The following DDR2 variants were observed in gnomAD, a reference collection of about 807,000 sequenced individuals.
DDR2 encodes discoidin domain receptor tyrosine kinase 2, also known as discoidin domain-containing receptor 2.
DDR2 carries 27 observed loss-of-function variants against 94.9 expected under a neutral mutation model. The ratio of observed to expected loss-of-function variants is 0.28; its 90% confidence interval spans 0.21 to 0.39. The LOEUF is 0.39. Ranked by LOEUF, DDR2 falls within the 10% of genes least tolerant of loss-of-function variation. The pLI is 1.00. For missense variants in DDR2, 783 were observed against 1,076.0 expected, an observed-to-expected ratio of 0.73 and a Z score of 3.81; for synonymous variants, 382 against 377.2, an observed-to-expected ratio of 1.01 and a Z score of -0.15.
At chr1:162,731,071 G>C (rs1440930872) in intron 3 of DDR2, among the ~76,000 whole-genome samples, 3 of 152,126 alleles carry the variant, frequency 2.0e-5, no homozygotes, top group African/African-American at 7.2e-5. Context: ...GAAACAATCA[G>C]ATTCCTTCAA....
intron 2 of DDR2, among the ~76,000 whole-genome samples, chr1:162,678,953 C>A (rs185044684): frequency 1.2e-4 from 18 of 151,938 alleles, no homozygotes; most frequent in Non-Finnish European, 1.3e-4. Flanking sequence ...AGATAAGCAT[C>A]ATATTTTTAA....
intron 1 of DDR2, among the ~76,000 whole-genome samples, chr1:162,652,400 C>T (rs61810413): frequency 0.08 from 12,188 of 152,188 alleles, 502 homozygotes; most frequent in Admixed American, 0.092. Context: ...AAAGCAGACT[C>T]GTGCTTCTCA....
At chr1:162,677,501 G>A (rs1033370371) in intron 2 of DDR2, among the ~76,000 whole-genome samples, 1 of 152,174 alleles carries the variant, frequency 6.6e-6, no homozygotes, top group African/African-American at 2.4e-5. Flanking sequence ...TTTCCCAGTG[G>A]ATTTTTCATT....
intron 3 of DDR2, among the ~76,000 whole-genome samples, chr1:162,724,275 C>T (rs1202003433): frequency 6.6e-6 from 1 of 152,184 alleles, no homozygotes; most frequent in Non-Finnish European, 1.5e-5. Context: ...ATCTAAAAAT[C>T]ACATATATCC....
At position 162,761,441 on chromosome 1, in the gene DDR2, C is replaced by A. The variant is rs2102156260; in HGVS notation, c.1086C>A (p.Ile362=). Residue 362 remains isoleucine (I), a synonymous_variant, in exon 9 of 18, where the codon ATC becomes ATA. Coordinates refer to ENST00000367921, the MANE Select transcript of DDR2 (RefSeq NM_006182.4). ...FADTWMMFSE[I]TFQSDAAMYN... is the part of the protein sequence containing the mutation. ...ATACCTGGATGATGTTCAGTGAGATCACCTTCCAATCAGGTAGGGAGCTCA... is the reference window on the plus strand; with the variant it reads ...ATACCTGGATGATGTTCAGTGAGATAACCTTCCAATCAGGTAGGGAGCTCA... 1 of 1,614,174 alleles carries A rather than the reference C, an allele frequency of 6.2e-7. No individual in the cohort carries two copies. Among genetic ancestry groups the A allele is most frequent in the South Asian group, 1.1e-5 (1 of 91,080 alleles).
rs554710613 is a variant in DDR2, at chr1:162,746,691, C to T, written c.83-6404C>T. Among the ~76,000 whole-genome samples, 13 of 152,344 alleles carry T rather than the reference C, an allele frequency of 8.5e-5. No homozygotes were observed. The East Asian group carries it at 1.2e-3, about 14-fold the overall frequency. ...CCTCATCAAGTGGGTCCCTGACCCC[C>T]GAGTAGCCTAACTGGGAGACACCTC... On this transcript the variant is annotated intron_variant, in intron 3 of 17. Coordinates refer to ENST00000367921, the MANE Select transcript of DDR2 (RefSeq NM_006182.4).
intron 2 of DDR2, among the ~76,000 whole-genome samples, chr1:162,655,848 C>T (rs1447878317): frequency 2.0e-5 from 3 of 152,018 alleles, no homozygotes; most frequent in Non-Finnish European, 4.4e-5. Context: ...TAGAGTAAAA[C>T]AATACTTAAT....
chr1:162,746,349 G>A (rs904344997), intron 3 of DDR2, among the ~76,000 whole-genome samples: 7 of 152,296 alleles, frequency 4.6e-5, no homozygotes, highest in South Asian at 2.1e-4. Context: ...AGGGTCCCAC[G>A]CCCACGGAGC....
At chr1:162,664,798 A>T (rs1003667888) in intron 2 of DDR2, among the ~76,000 whole-genome samples, 1 of 152,208 alleles carries the variant, frequency 6.6e-6, no homozygotes, top group Non-Finnish European at 1.5e-5. Flanking sequence ...TATTTTTTTA[A>T]AGGGAAGATA....
At chr1:162,739,667 A>G (rs188556813) in intron 3 of DDR2, among the ~76,000 whole-genome samples, 241 of 152,296 alleles carry the variant, frequency 1.6e-3, no homozygotes, top group Middle Eastern at 6.8e-3. Context: ...TGTCTTTGCT[A>G]TTGTGAATAG....
At chr1:162,730,280 A>C (rs1661968820) in intron 3 of DDR2, among the ~76,000 whole-genome samples, 1 of 151,992 alleles carries the variant, frequency 6.6e-6, no homozygotes, top group African/African-American at 2.4e-5. Context: ...GAACTGGGAG[A>C]GCCCATCTCC....
chr1:162,782,058 G>GTTGTCC lies in DDR2; in HGVS notation c.*1814_*1819dup, dbSNP rs1413895916. ...TCCTAGCAAATGTCCTTTCCCCATA[G>GTTGTCC]TTGTCCTATGCCTTTGGGCTTTAGT... On this transcript the variant is annotated 3_prime_UTR_variant, in exon 18 of 18. Transcript: ENST00000367921. The GTTGTCC allele has an allele frequency of 6.6e-6, 1 of 152,196 alleles. No homozygotes were observed. Among genetic ancestry groups the GTTGTCC allele is most frequent in the South Asian group, 2.1e-4 (1 of 4,832 alleles). 9.4% of individuals were successfully genotyped at this position (152,196 alleles called of 1,614,324 possible). A position where few individuals can be genotyped will look rare whatever the true frequency, so the allele number is the denominator to read the frequency against.
At chr1:162,741,248 A>AATG (rs1558057486) in intron 3 of DDR2, among the ~76,000 whole-genome samples, 174 of 120,768 alleles carry the variant, frequency 1.4e-3, no homozygotes, top group African/African-American at 5.5e-3. Context: ...ATAATATAGT[A>AATG]TAATGTAATG....
chr1:162,773,502 T>A lies in DDR2; in HGVS notation c.1762T>A (p.Phe588Ile). ...CTGTGAAGTGGAGGGAATGGAAAAATTCAAAGACAAAGATTTTGCCCTAGA... is the reference window on the plus strand; with the variant it reads ...CTGTGAAGTGGAGGGAATGGAAAAAATCAAAGACAAAGATTTTGCCCTAGA... ...HLCEVEGMEK[F>I]KDKDFALDVS... The change falls in exon 14 of 18, where the codon TTC (phenylalanine) becomes ATC (isoleucine). Residue 588 changes from phenylalanine to isoleucine, a missense_variant. Phe to Ile is a conservative substitution (Grantham distance 21). Coordinates refer to ENST00000367921, the MANE Select transcript of DDR2 (RefSeq NM_006182.4). 1 of 1,613,968 alleles carries A rather than the reference T, an allele frequency of 6.2e-7. No individual in the cohort carries two copies. The highest frequency in any genetic ancestry group is 1.3e-5 in the African/African-American group (1 of 75,018).
At chr1:162,753,867 G>T (rs114292905) in intron 4 of DDR2, among the ~76,000 whole-genome samples, 1,800 of 152,228 alleles carry the variant, frequency 0.012, 44 homozygotes, top group African/African-American at 0.041. Flanking sequence ...TTACCCATAA[G>T]AAAATGAATC....
chr1:162,710,665 C>T (rs1207482469), intron 2 of DDR2, among the ~76,000 whole-genome samples: 2 of 152,014 alleles, frequency 1.3e-5, no homozygotes, highest in Non-Finnish European at 2.9e-5. Flanking sequence ...CTGAATGGCC[C>T]CTGAATTAAA....
intron 1 of DDR2, among the ~76,000 whole-genome samples, chr1:162,636,966 T>C (rs1656856997): frequency 6.6e-6 from 1 of 152,202 alleles, no homozygotes; most frequent in South Asian, 2.1e-4. Flanking sequence ...ACTGATTTTA[T>C]TTTTCTCTTG....
chr1:162,678,095 A>G (rs997028944), intron 2 of DDR2, among the ~76,000 whole-genome samples: 1 of 152,190 alleles, frequency 6.6e-6, no homozygotes, highest in Non-Finnish European at 1.5e-5. Flanking sequence ...AGATCTTTCA[A>G]CGTGAAGCAG....
chr1:162,633,310 G>T (rs1297060879), intron 1 of DDR2, among the ~76,000 whole-genome samples: 2 of 152,246 alleles, frequency 1.3e-5, no homozygotes, highest in East Asian at 3.9e-4. Context: ...TCCTGGCCTA[G>T]GTTCAAGAGT....
Sources: allele counts gnomAD v4.1 joint callset (sites outside exome capture counted in the v4.1 genomes callset), GRCh38; gene constraint gnomAD v4.1.1; transcripts MANE v1.5; gene names NCBI Gene and HGNC (gene_info 2026-07-23, HGNC 2026-07-21).